ARMH3: variants seen among roughly 807,000 people sequenced by gnomAD.
ARMH3 encodes the protein armadillo like helical domain containing 3.
In ARMH3, 60 loss-of-function variants were observed where a neutral mutation model predicts 99.1. The ratio of observed to expected loss-of-function variants is 0.61; its 90% confidence interval spans 0.49 to 0.75. ARMH3 has a LOEUF of 0.75. Ranked by LOEUF, ARMH3 falls within the 30% of genes least tolerant of loss-of-function variation. The pLI is 0.00. For missense variants in ARMH3, 679 were observed against 843.1 expected (o/e 0.81, Z 2.41); for synonymous variants, 285 against 292.8 (o/e 0.97, Z 0.27).
chr10:102,005,692 T>C (rs2066468590), intron 14 of ARMH3, among the ~76,000 whole-genome samples: 1 of 152,218 alleles, frequency 6.6e-6, no homozygotes, highest in South Asian at 2.1e-4. Flanking sequence ...ATAGATTGTT[T>C]TTAGGTTACA....
intron 1 of ARMH3, among the ~76,000 whole-genome samples, chr10:102,052,767 G>C (rs187576467): frequency 1.8e-3 from 266 of 151,732 alleles, no homozygotes; most frequent in Non-Finnish European, 3.2e-3. Context: ...TTTTCCCCAA[G>C]ACTTTTTTCA....
At position 101,991,980 on chromosome 10, in the gene ARMH3, C is replaced by T; in HGVS notation, c.1334G>A (p.Cys445Tyr). The T allele has an allele frequency of 6.2e-7, 1 of 1,613,926 alleles. No individual in the cohort carries two copies. Among genetic ancestry groups the T allele is most frequent in the Non-Finnish European group, 8.5e-7 (1 of 1,179,802 alleles). Reference sequence around the variant, plus strand: ...TGATACTCACTCACCCAGTACTGCACATACTAAAGGACGGCAGGGAAGATT... The same window carrying T: ...TGATACTCACTCACCCAGTACTGCATATACTAAAGGACGGCAGGGAAGATT... The part of the protein sequence containing the change: ...DKNLPCRPLV[C>Y]AVLDLMVEFI... Residue 445 changes from cysteine (C) to tyrosine (Y), a missense_variant, in exon 18 of 26, where the codon TGT (cysteine) becomes TAT (tyrosine). This residue lies in a region of ARMH3 where 389 missense variants were observed against 456.5 expected (regional missense o/e 0.85). Transcript: ENST00000370033.
At position 102,007,159 on chromosome 10, in the gene ARMH3, C is replaced by CAAAAAAAAAAAAAA. The variant is rs10639768; in HGVS notation, c.955-540_955-527dup. 3.2e-4 allele frequency among the ~76,000 whole-genome samples: 19 copies of CAAAAAAAAAAAAAA among 60,034 alleles called. 1 individual carries two copies. Among genetic ancestry groups the CAAAAAAAAAAAAAA allele is most frequent in the East Asian group, 6.5e-4 (1 of 1,540 alleles). The allele number at this position is 60,034 out of a possible 152,430, so 39.4% of individuals were successfully genotyped here. ...CTGGTGACACAGCAAGACTCTATCT[C>CAAAAAAAAAAAAAA]AAAAAAAAAAAAAAAAAAAGAAAAA... On this transcript the variant is annotated intron_variant, in intron 13 of 25. Transcript: ENST00000370033.
chr10:101,848,205 G>A (rs2066504443), intron 25 of ARMH3, among the ~76,000 whole-genome samples: 3 of 152,176 alleles, frequency 2.0e-5, no homozygotes, highest in Admixed American at 1.3e-4. Context: ...GAGCAGGGCC[G>A]AGGGTTCTTA....
At chr10:102,036,401 C>T (rs1274912087) in intron 2 of ARMH3, among the ~76,000 whole-genome samples, 1 of 152,188 alleles carries the variant, frequency 6.6e-6, no homozygotes, top group African/African-American at 2.4e-5. Context: ...AAGAACGGGC[C>T]ATGATGACGA....
At chr10:101,964,443 G>C (rs955866373) in intron 20 of ARMH3, among the ~76,000 whole-genome samples, 2 of 152,154 alleles carry the variant, frequency 1.3e-5, no homozygotes, top group African/African-American at 4.8e-5. Context: ...GTTTACAGCA[G>C]CATCATTCAC....
chr10:101,889,409 T>C lies in ARMH3; in HGVS notation c.1860+3A>G. 5.0e-6 allele frequency: 8 copies of C among 1,612,126 alleles called. No homozygotes were observed. The highest frequency in any genetic ancestry group is 6.8e-6 in the Non-Finnish European group (8 of 1,178,170). On this transcript the variant is annotated splice_donor_region_variant and intron_variant, in intron 24 of 25. Coordinates refer to ENST00000370033, the MANE Select transcript of ARMH3 (RefSeq NM_024541.3). ...AGGTCATCTGGGGAAAGTAGTGGCT[T>C]ACCTGCTCCTCTGACAGTTGGGATA... is the stretch of plus-strand genomic sequence containing the variant.
chr10:102,024,148 T>C (rs1374179473), intron 6 of ARMH3, among the ~76,000 whole-genome samples: 4 of 152,130 alleles, frequency 2.6e-5, no homozygotes, highest in African/African-American at 9.7e-5. Flanking sequence ...ACAGGCAGCC[T>C]ACAGTTATAA....
chr10:102,024,753 A>G lies in ARMH3; in HGVS notation c.507+403T>C, dbSNP rs1193543378. On this transcript the variant is annotated intron_variant, in intron 6 of 25. Transcript: ENST00000370033. Reference sequence around the variant, plus strand: ...AGAATTGTTTGAACCCAGGAGGCAGACGTTGAAGTGAGCCGAGATCACGCC... The same window carrying G: ...AGAATTGTTTGAACCCAGGAGGCAGGCGTTGAAGTGAGCCGAGATCACGCC... Among the ~76,000 whole-genome samples the G allele has an allele frequency of 6.6e-5, 10 of 151,574 alleles. No homozygotes were observed. The East Asian group carries it at 2.0e-3, about 30-fold the overall frequency.
At chr10:101,981,503 C>T (rs1846232228) in intron 19 of ARMH3, among the ~76,000 whole-genome samples, 1 of 152,170 alleles carries the variant, frequency 6.6e-6, no homozygotes, top group African/African-American at 2.4e-5. Context: ...ACCAAGGATA[C>T]AAGTGAATTG....
chr10:101,991,088 C>A (rs1846768184), intron 18 of ARMH3, among the ~76,000 whole-genome samples: 1 of 152,180 alleles, frequency 6.6e-6, no homozygotes, highest in Non-Finnish European at 1.5e-5. Flanking sequence ...GGCTGTGGGG[C>A]TTTGGGTCAA....
At chr10:101,856,908 T>C (rs1331657150) in intron 24 of ARMH3, among the ~76,000 whole-genome samples, 1 of 152,184 alleles carries the variant, frequency 6.6e-6, no homozygotes, top group East Asian at 1.9e-4. Context: ...AAGCTGATAA[T>C]GGAGAAATAA....
In ARMH3 at chr10:102,009,455, GAAAAA is replaced by G. The variant is rs778774534; in HGVS notation, c.879-11_879-7del. ...GAAGAATGGCCTCATTGGTTCTAAA[GAAAAA>G]GAGAACAAATTGGAGCAGTTTTTAT... On this transcript the variant is annotated splice_region_variant and splice_polypyrimidine_tract_variant and intron_variant, in intron 12 of 25. Transcript: ENST00000370033. The G allele has an allele frequency of 9.3e-6, 15 of 1,611,678 alleles. No homozygotes were observed. The highest frequency in any genetic ancestry group is 8.5e-7 in the Non-Finnish European group (1 of 1,178,298).
At chr10:102,042,284 G>C (rs2067442186) in intron 1 of ARMH3, among the ~76,000 whole-genome samples, 1 of 152,226 alleles carries the variant, frequency 6.6e-6, no homozygotes, top group South Asian at 2.1e-4. Context: ...TCAACCAGTT[G>C]ATTAGCAGGA....
At chr10:101,908,303 C>T (rs1842719212) in intron 23 of ARMH3, among the ~76,000 whole-genome samples, 1 of 152,108 alleles carries the variant, frequency 6.6e-6, no homozygotes, top group Non-Finnish European at 1.5e-5. Context: ...TCAATGGATT[C>T]AGTTAAAATG....
At chr10:101,900,478 A>G (rs2067946929) in intron 23 of ARMH3, among the ~76,000 whole-genome samples, 1 of 152,200 alleles carries the variant, frequency 6.6e-6, no homozygotes, top group Non-Finnish European at 1.5e-5. Context: ...AAACTGATCT[A>G]ATTTTGATTA....
chr10:101,963,754 T>C (rs925470981), intron 20 of ARMH3, among the ~76,000 whole-genome samples: 2 of 148,148 alleles, frequency 1.3e-5, no homozygotes, highest in Admixed American at 1.3e-4. Flanking sequence ...CATGGGCCAC[T>C]GCACTTGGCT....
At chr10:101,991,072 G>T (rs1276553044) in intron 18 of ARMH3, among the ~76,000 whole-genome samples, 1 of 152,210 alleles carries the variant, frequency 6.6e-6, no homozygotes, top group Non-Finnish European at 1.5e-5. Context: ...GATATTGACT[G>T]AAATGGGCTG....
chr10:101,907,268 A>G (rs909332940), intron 23 of ARMH3, among the ~76,000 whole-genome samples: 1 of 149,504 alleles, frequency 6.7e-6, no homozygotes, highest in South Asian at 2.1e-4. Context: ...AAGCAAAAGA[A>G]AAGTATTTAC....
Sources: gnomAD v4.1 joint callset for allele counts (sites outside exome capture counted in the v4.1 genomes callset) on GRCh38, gnomAD v4.1.1 for gene constraint, gnomAD v4.1.1 regional missense constraint, MANE v1.5 for transcripts, NCBI Gene and HGNC (gene_info 2026-07-23, HGNC 2026-07-21) for gene names.